ECPAS: variants seen among roughly 807,000 people sequenced by gnomAD.
The protein encoded by ECPAS is proteasome adapter and scaffold protein ECM29.
Under a neutral mutation model 255.1 loss-of-function variants are expected in ECPAS, and 70 were observed. The ratio of observed to expected loss-of-function variants is 0.27; its 90% CI spans 0.23 to 0.33. ECPAS has a LOEUF of 0.33. Among genes scored for constraint, ECPAS ranks in the 10% least tolerant of loss-of-function variants. The pLI is 1.00. For synonymous variants in ECPAS, 784 were observed against 775.0 expected, an observed-to-expected ratio of 1.01 and a Z score of -0.19; for missense variants, 1,817 against 2,206.4, an observed-to-expected ratio of 0.82 and a Z score of 3.54.
rs2098312084 is a variant in ECPAS, at chr9:111,484,359, T to C, written c.-326A>G. 5 of 1,611,080 alleles carry C rather than the reference T, an allele frequency of 3.1e-6. No homozygotes were observed. Among genetic ancestry groups the C allele is most frequent in the Non-Finnish European group, 4.2e-6 (5 of 1,179,148 alleles). ...TGGGCCCGACCTGGGGAAACACGCC[T>C]GTCCAAAGGAAGAGACGTGGACTCA... On this transcript the variant is annotated 5_prime_UTR_variant, in exon 1 of 50. Transcript: ENST00000684092.
intron 25 of ECPAS, among the ~76,000 whole-genome samples, chr9:111,395,647 A>C (rs2098166506): frequency 6.6e-6 from 1 of 152,080 alleles, no homozygotes; most frequent in Admixed American, 6.6e-5. Flanking sequence ...CTCTCTACTA[A>C]CCTCTACTTG....
chr9:111,373,897 T>C, intron 39 of ECPAS, 75 bp downstream of exon 39: 1 of 1,127,846 alleles, frequency 8.9e-7, no homozygotes. Context: ...TGATAAGTAT[T>C]TTTCCTTTTT....
In ECPAS at chr9:111,371,642, A is replaced by G. The variant is rs780465272; in HGVS notation, c.4716T>C (p.Ala1572=). The G allele has an allele frequency of 1.2e-6, 2 of 1,613,834 alleles. No homozygotes were observed. The part of the protein sequence containing the change: ...MILTALLQGL[A]GRTWAGKEEL... The stretch of plus-strand genomic sequence containing the variant: ...TTACCTTTCCTGCCCACGTTCTTCC[A>G]GCCAGGCCTTGCAGCAATGCGGTCA... The change falls in exon 43 of 50, where the codon GCT becomes GCC. Residue 1572 remains alanine (A), a synonymous_variant. Coordinates refer to ENST00000684092, the MANE Select transcript of ECPAS (RefSeq NM_001364929.1).
In ECPAS at chr9:111,451,445, G is replaced by T; in HGVS notation, c.133C>A (p.Gln45Lys). The T allele has an allele frequency of 6.4e-7, 1 of 1,572,340 alleles. No homozygotes were observed. The highest frequency in any genetic ancestry group is 2.3e-5 in the East Asian group (1 of 43,244). ...CTTACCTTTTTACGTACTCCTTCTT[G>T]GGTGCTAGAGAGTTTGAGCAAAACA... ...PPVLLKLSSTQEGVRKKVMEL... is the reference protein window; with the variant it reads ...PPVLLKLSSTKEGVRKKVMEL... The change falls in exon 3 of 50, where the codon CAA (glutamine) becomes AAA (lysine). Residue 45 changes from glutamine (Q) to lysine (K), a missense_variant. Around this residue, in one of 4 missense-constraint regions of ECPAS, gnomAD observed 90 missense variants for 158.5 expected, o/e 0.57. Transcript: ENST00000684092.
rs969083359 is a variant in ECPAS at position 111,397,197 on chromosome 9, C to A, written c.2653-44G>T. 3 of 1,604,564 alleles carry A rather than the reference C, an allele frequency of 1.9e-6. No homozygotes were observed. The African/African-American group carries it at 4.0e-5, about 21-fold the overall frequency. ...AAACCATGAATGAGAAAACACATTT[C>A]CCAAAAACATCCATTTCTACAGAAA... is the stretch of plus-strand genomic sequence containing the variant. On this transcript the variant is annotated intron_variant, in intron 24 of 49. Coordinates refer to ENST00000684092, the MANE Select transcript of ECPAS (RefSeq NM_001364929.1).
intron 2 of ECPAS, among the ~76,000 whole-genome samples, chr9:111,459,457 G>A (rs1402376141): frequency 6.6e-6 from 1 of 152,060 alleles, no homozygotes; most frequent in African/African-American, 2.4e-5. Context: ...TAAATCAGAA[G>A]TCTACGAAAT....
intron 48 of ECPAS, chr9:111,365,814 CA>C (rs1439745546): frequency 6.3e-6 from 1 of 158,980 alleles, no homozygotes; most frequent in East Asian, 1.9e-4. Context: ...AATTGAGGAA[CA>C]AGGGGGCCTG....
chr9:111,431,551 C>G (rs934541412), intron 8 of ECPAS, among the ~76,000 whole-genome samples: 5 of 146,828 alleles, frequency 3.4e-5, no homozygotes, highest in African/African-American at 1.3e-4. Flanking sequence ...GAGCTAGACT[C>G]TGTCTCAGAA....
chr9:111,445,718 T>G (rs910083714), intron 3 of ECPAS, among the ~76,000 whole-genome samples: 1 of 152,196 alleles, frequency 6.6e-6, no homozygotes, highest in African/African-American at 2.4e-5. Context: ...AGGGTACATG[T>G]GCACAATGTG....
intron 1 of ECPAS, among the ~76,000 whole-genome samples, chr9:111,482,306 G>C (rs2098306915): frequency 6.6e-6 from 1 of 152,140 alleles, no homozygotes; most frequent in Non-Finnish European, 1.5e-5. Flanking sequence ...AAAGCAAACA[G>C]TACTCCTGCT....
In ECPAS at chr9:111,394,235, G is replaced by A; in HGVS notation, c.2847C>T (p.Asn949=). The A allele has an allele frequency of 6.2e-7, 1 of 1,607,314 alleles. No homozygotes were observed. Reference sequence around the variant, plus strand: ...TGCAGGCTGCTTGCCTCACGTGTGGGTTGGGGCTGATGATATGTTTATTTA... The same window carrying A: ...TGCAGGCTGCTTGCCTCACGTGTGGATTGGGGCTGATGATATGTTTATTTA... The part of the protein sequence containing the change: ...VILNKHIISP[N]PHVRQAACIW... Residue 949 remains asparagine (N), a synonymous_variant, in exon 26 of 50, where the codon AAC becomes AAT. Coordinates refer to ENST00000684092, the MANE Select transcript of ECPAS (RefSeq NM_001364929.1).
intron 2 of ECPAS, among the ~76,000 whole-genome samples, chr9:111,467,764 T>C (rs1261453765): frequency 6.6e-6 from 1 of 152,170 alleles, no homozygotes; most frequent in African/African-American, 2.4e-5. Flanking sequence ...GATTCACAGA[T>C]ATAAGTATAT....
intron 2 of ECPAS, among the ~76,000 whole-genome samples, chr9:111,459,771 CTGGTTCATTCTA>C (rs2098271050): frequency 6.6e-6 from 1 of 152,168 alleles, no homozygotes; most frequent in South Asian, 2.1e-4. Flanking sequence ...CTTTAAAAAA[CTGGTTCATTCTA>C]AATTACCACA....
chr9:111,454,382 A>G (rs1227698571), intron 2 of ECPAS, among the ~76,000 whole-genome samples: 1 of 152,100 alleles, frequency 6.6e-6, no homozygotes, highest in Non-Finnish European at 1.5e-5. Flanking sequence ...AATCATTTGG[A>G]TGCTTCTATG....
At chr9:111,396,304 T>C (rs1353141388) in intron 25 of ECPAS, among the ~76,000 whole-genome samples, 4 of 152,192 alleles carry the variant, frequency 2.6e-5, no homozygotes, top group Non-Finnish European at 5.9e-5. Context: ...AGAAACCACA[T>C]GTTCCCTCAA....
chr9:111,471,258 A>C (rs1479546115), intron 2 of ECPAS, among the ~76,000 whole-genome samples: 1 of 152,238 alleles, frequency 6.6e-6, no homozygotes, highest in East Asian at 1.9e-4. Flanking sequence ...CTAGGAGAGA[A>C]GAAACAATGT....
chr9:111,484,093 C>A, intron 1 of ECPAS, 23 bp downstream of exon 1: 1 of 1,293,878 alleles, frequency 7.7e-7, no homozygotes, highest in Non-Finnish European at 9.8e-7. Flanking sequence ...CAGTCCCCCG[C>A]GGCCCGGGGG....
At position 111,433,131 on chromosome 9, in the gene ECPAS, T is replaced by C. The variant is rs945837616; in HGVS notation, c.848+102A>G. The C allele has an allele frequency of 5.5e-5, 65 of 1,182,938 alleles. No individual in the cohort carries two copies. In the African/African-American group the frequency reaches 7.8e-4, roughly 14 times the overall value. The allele number at this position is 1,182,938 out of a possible 1,614,324, so 73.3% of individuals were successfully genotyped here. A position where few individuals can be genotyped will look rare whatever the true frequency, so the allele number is the denominator to read the frequency against. On this transcript the variant is annotated intron_variant, in intron 8 of 49. Transcript: ENST00000684092. ...GGTATATTTAATAATCTCCTCTAAG[T>C]TGAATGCCTCATTACAAAAAATCCT... is the stretch of plus-strand genomic sequence containing the variant.
chr9:111,406,069 C>G (rs2098183500), intron 24 of ECPAS, among the ~76,000 whole-genome samples: 1 of 149,720 alleles, frequency 6.7e-6, no homozygotes, highest in Admixed American at 6.6e-5. Context: ...TATTTGTGCT[C>G]CAATGTTTAC....
Sources: allele counts gnomAD v4.1 joint callset (sites outside exome capture counted in the v4.1 genomes callset), GRCh38; gene constraint gnomAD v4.1.1; regional missense constraint gnomAD v4.1.1; transcripts MANE v1.5; gene names NCBI Gene and HGNC (gene_info 2026-07-23, HGNC 2026-07-21).